Variants in CNBD1 observed in about 807,000 individuals in gnomAD.
CNBD1 encodes cyclic nucleotide binding domain containing 1.
CNBD1 carries 71 observed loss-of-function variants against 54.4 expected under a neutral mutation model. The ratio of observed to expected loss-of-function variants is 1.30; its 90% CI spans 1.08 to 1.59. The LOEUF (loss-of-function observed/expected upper bound fraction) is 1.59, where lower values mean the gene tolerates loss of function less well. CNBD1 is among the 40% of genes most tolerant of loss of function. The pLI, the probability that CNBD1 is intolerant of heterozygous loss-of-function variation, is 0.00. For missense variants in CNBD1, 659 were observed against 518.0 expected, an observed-to-expected ratio of 1.27 and a Z score of -2.64; for synonymous variants, 182 against 170.7, an observed-to-expected ratio of 1.07 and a Z score of -0.51.
intron 4 of CNBD1, among the ~76,000 whole-genome samples, chr8:87,038,811 T>C (rs768287393): frequency 7.9e-5 from 12 of 152,080 alleles, no homozygotes; most frequent in Non-Finnish European, 1.3e-4. Context: ...AAGATGGGAG[T>C]TGGTTAGATC....
At chr8:87,058,959 T>C (rs2130636142) in intron 4 of CNBD1, among the ~76,000 whole-genome samples, 1 of 152,338 alleles carries the variant, frequency 6.6e-6, no homozygotes, top group East Asian at 1.9e-4. Context: ...GATAATTTTA[T>C]GCTCTGTCAC....
intron 4 of CNBD1, among the ~76,000 whole-genome samples, chr8:87,123,040 C>T (rs1375902180): frequency 2.6e-5 from 4 of 151,714 alleles, no homozygotes; most frequent in African/African-American, 4.8e-5. Context: ...TTTTGTGATT[C>T]CATACAAACT....
chr8:87,253,953 A>G (rs1363117396), intron 6 of CNBD1, among the ~76,000 whole-genome samples: 1 of 152,208 alleles, frequency 6.6e-6, no homozygotes, highest in Admixed American at 6.5e-5. Context: ...TTCTAGTATC[A>G]TACACAAAGT....
At chr8:86,944,718 A>G (rs1807424384) in intron 4 of CNBD1, among the ~76,000 whole-genome samples, 1 of 152,190 alleles carries the variant, frequency 6.6e-6, no homozygotes, top group Non-Finnish European at 1.5e-5. Flanking sequence ...CCAGATTATC[A>G]TTTAGGGTCT....
At chr8:87,351,934 TG>T in intron 9 of CNBD1, 140 bp downstream of exon 9, 1 of 847,568 alleles carries the variant, frequency 1.2e-6, no homozygotes, top group Non-Finnish European at 1.6e-6. Flanking sequence ...TTTTTGTGTT[TG>T]TTTTTGGTTT....
intron 2 of CNBD1, among the ~76,000 whole-genome samples, chr8:87,398,206 TC>T (rs1320220120): frequency 6.6e-6 from 1 of 151,100 alleles, no homozygotes; most frequent in Non-Finnish European, 1.5e-5. Flanking sequence ...TGAAATATTT[TC>T]TTATTTTCTT....
At chr8:87,337,576 G>T (rs933014183) in intron 8 of CNBD1, among the ~76,000 whole-genome samples, 4 of 152,360 alleles carry the variant, frequency 2.6e-5, no homozygotes, top group African/African-American at 9.6e-5. Context: ...TGGCTCCATG[G>T]TGGTGACCCA....
chr8:86,916,422 A>C (rs1416834360), intron 3 of CNBD1, among the ~76,000 whole-genome samples: 1 of 152,146 alleles, frequency 6.6e-6, no homozygotes, highest in African/African-American at 2.4e-5. Flanking sequence ...GGCTGTCTGC[A>C]TCCACACTGG....
chr8:86,897,227 C>G (rs1808859585), intron 2 of CNBD1, among the ~76,000 whole-genome samples: 1 of 152,138 alleles, frequency 6.6e-6, no homozygotes, highest in African/African-American at 2.4e-5. Context: ...AATTATATAG[C>G]TGGTCTTGAA....
chr8:87,381,845 G>T (rs747864100), intron 10 of CNBD1, among the ~76,000 whole-genome samples: 1 of 151,830 alleles, frequency 6.6e-6, no homozygotes, highest in Non-Finnish European at 1.5e-5. Context: ...AGGGGTTGAG[G>T]CATGGGAAAT....
At chr8:87,104,856 T>A (rs1811500092) in intron 4 of CNBD1, among the ~76,000 whole-genome samples, 1 of 152,220 alleles carries the variant, frequency 6.6e-6, no homozygotes, top group Admixed American at 6.5e-5. Context: ...AAAATAGAAA[T>A]CATTATGAAT....
At chr8:87,073,561 A>T (rs1197439397) in intron 4 of CNBD1, among the ~76,000 whole-genome samples, 1 of 152,120 alleles carries the variant, frequency 6.6e-6, no homozygotes, top group Non-Finnish European at 1.5e-5. Context: ...ATTGTTCCAT[A>T]GGGCTGCTGC....
chr8:87,295,228 A>G (rs1585989816), intron 8 of CNBD1, among the ~76,000 whole-genome samples: 1 of 151,848 alleles, frequency 6.6e-6, no homozygotes. Context: ...ACAATGCACT[A>G]CAGAATCACT....
At chr8:87,162,689 G>A (rs1812882237) in intron 4 of CNBD1, among the ~76,000 whole-genome samples, 2 of 152,078 alleles carry the variant, frequency 1.3e-5, no homozygotes, top group South Asian at 4.1e-4. Context: ...GTGCTGCCTG[G>A]TGAAGGCCTG....
rs1302759440 is a variant in CNBD1, at chr8:86,943,822, AG to A, written c.431+4074del. Among the ~76,000 whole-genome samples the A allele has an allele frequency of 4.6e-5, 7 of 152,232 alleles. No individual in the cohort carries two copies. In the East Asian group the frequency reaches 5.8e-4, roughly 13 times the overall value. On this transcript the variant is annotated intron_variant, in intron 4 of 10. Coordinates refer to ENST00000518476, the MANE Select transcript of CNBD1 (RefSeq NM_173538.3). Reference sequence around the variant, plus strand: ...AACAATCACAATAAACAAAAAGGGAAGGGGGGACAGATGGAAGAATATCAGG... The same window carrying A: ...AACAATCACAATAAACAAAAAGGGAAGGGGGACAGATGGAAGAATATCAGG...
At chr8:87,385,944 A>G (rs1459098608), downstream of CNBD1, among the ~76,000 whole-genome samples, 1 of 152,144 alleles carries the variant, frequency 6.6e-6, no homozygotes, top group South Asian at 2.1e-4. Context: ...TCAGGCAGCA[A>G]CAGTTGCTGT....
Position 87,206,004 on chromosome 8 carries a change from G to GAA in CNBD1, c.443_444insAA (p.Thr149ArgfsTer13). The GAA allele has an allele frequency of 6.6e-7, 1 of 1,522,836 alleles. No individual in the cohort carries two copies. Among genetic ancestry groups the GAA allele is most frequent in the Non-Finnish European group, 8.8e-7 (1 of 1,140,298 alleles). The allele number at this position is 1,522,836 out of a possible 1,614,324, so 94.3% of individuals were successfully genotyped here. A position where few individuals can be genotyped will look rare whatever the true frequency, so the allele number is the denominator to read the frequency against. On this transcript the variant is annotated frameshift_variant, in exon 5 of 11. Transcript: ENST00000518476. LOFTEE classifies it high-confidence loss of function. ...TTTTTTTTTTTGAGGCCCATTCACA[G>GAA]GACGCCATATGAACACAAAACTGTG...
At chr8:86,937,060 A>G (rs1310071565) in intron 3 of CNBD1, among the ~76,000 whole-genome samples, 2 of 152,196 alleles carry the variant, frequency 1.3e-5, no homozygotes, top group Admixed American at 1.3e-4. Flanking sequence ...GAGACTGAGT[A>G]ATTTATAAAG....
At chr8:87,364,396 G>A (rs1414251000) in intron 10 of CNBD1, among the ~76,000 whole-genome samples, 1 of 151,508 alleles carries the variant, frequency 6.6e-6, no homozygotes, top group Admixed American at 6.6e-5. Flanking sequence ...CTCGAGTTTG[G>A]CTTTTAGATA....
Sources: gnomAD v4.1 joint callset for allele counts (sites outside exome capture counted in the v4.1 genomes callset) on GRCh38, gnomAD v4.1.1 for gene constraint, MANE v1.5 for transcripts, NCBI Gene and HGNC (gene_info 2026-07-23, HGNC 2026-07-21) for gene names.